The following USH2A variants were observed in gnomAD, a reference collection of about 807,000 sequenced individuals.
USH2A encodes usherin.
In USH2A, 443 loss-of-function variants were observed where a neutral mutation model predicts 538.9. That is an observed-to-expected ratio of 0.82 (90% CI 0.76 to 0.89). The LOEUF is 0.89. Ranked by LOEUF, USH2A falls within the 40% of genes least tolerant of loss-of-function variation. The pLI, the probability that USH2A is intolerant of heterozygous loss-of-function variation, is 0.00. For synonymous variants in USH2A, 2,413 were observed against 2,273.5 expected, an observed-to-expected ratio of 1.06 and a Z score of -1.75; for missense variants, 6,633 against 6,324.8, an observed-to-expected ratio of 1.05 and a Z score of -1.65.
intron 40 of USH2A, among the ~76,000 whole-genome samples, chr1:215,893,093 C>A (rs1188781741): frequency 6.6e-6 from 1 of 152,136 alleles, no homozygotes; most frequent in East Asian, 1.9e-4. Context: ...TAAAGGTCAT[C>A]ACATTCACTC....
chr1:215,838,072 T>C lies in USH2A; in HGVS notation c.9290A>G (p.Lys3097Arg). Residue 3097 changes from lysine (K) to arginine (R), a missense_variant, in exon 47 of 72, where the codon AAA (lysine) becomes AGA (arginine). Transcript: ENST00000307340. ...VEVCTIYACV[K>R]SNGTQITTVE... Reference sequence around the variant, plus strand: ...AGTGGTAATTTGGGTTCCATTGCTTTTCACGCAGGCATATATTGTGCAGAC... The same window carrying C: ...AGTGGTAATTTGGGTTCCATTGCTTCTCACGCAGGCATATATTGTGCAGAC... 6.2e-7 allele frequency: 1 copy of C among 1,614,020 alleles called. No individual in the cohort carries two copies. The highest frequency in any genetic ancestry group is 1.1e-5 in the South Asian group (1 of 91,082).
At chr1:215,833,393 C>T (rs1269428799) in intron 47 of USH2A, among the ~76,000 whole-genome samples, 2 of 151,818 alleles carry the variant, frequency 1.3e-5, no homozygotes, top group Non-Finnish European at 2.9e-5. Context: ...AAATGGCCTA[C>T]AAAACGTGTT....
intron 20 of USH2A, among the ~76,000 whole-genome samples, chr1:216,187,386 A>G (rs2034629788): frequency 6.6e-6 from 1 of 151,954 alleles, no homozygotes; most frequent in Non-Finnish European, 1.5e-5. Context: ...AATAAAATGT[A>G]GTAATAATAC....
intron 52 of USH2A, among the ~76,000 whole-genome samples, chr1:215,786,051 GA>G (rs1661791761): frequency 6.6e-6 from 1 of 151,984 alleles, no homozygotes; most frequent in Non-Finnish European, 1.5e-5. Flanking sequence ...ATTGATGGCA[GA>G]ACTGTTTTAG....
chr1:216,247,281 T>G (rs2036071579), intron 12 of USH2A, 55 bp from the exon 13 acceptor site: 3 of 1,600,756 alleles, frequency 1.9e-6, no homozygotes, highest in Non-Finnish European at 1.7e-6. Context: ...TCATTCAAGA[T>G]AGACGAGACA....
At chr1:215,768,574 TA>T (rs1661194949) in intron 55 of USH2A, among the ~76,000 whole-genome samples, 1 of 152,196 alleles carries the variant, frequency 6.6e-6, no homozygotes, top group Admixed American at 6.5e-5. Context: ...TTACCTGATT[TA>T]CAGATGAAGA....
chr1:216,361,999 G>T (rs550237900), intron 4 of USH2A, among the ~76,000 whole-genome samples: 1 of 152,158 alleles, frequency 6.6e-6, no homozygotes, highest in South Asian at 2.1e-4. Flanking sequence ...GTTCATTAGG[G>T]GACTCTGAGA....
At chr1:216,272,598 C>T (rs1318756883) in intron 11 of USH2A, among the ~76,000 whole-genome samples, 20 of 152,034 alleles carry the variant, frequency 1.3e-4, no homozygotes, top group Non-Finnish European at 8.8e-5. Flanking sequence ...GCCTGCTACT[C>T]GTTGACTCAC....
chr1:216,068,885 T>A (rs1468425594), intron 30 of USH2A, among the ~76,000 whole-genome samples: 1 of 152,162 alleles, frequency 6.6e-6, no homozygotes, highest in Admixed American at 6.6e-5. Flanking sequence ...GTACATTTGG[T>A]AGTAAGAAAG....
At chr1:216,201,236 C>T (rs1371234813) in intron 16 of USH2A, among the ~76,000 whole-genome samples, 1 of 151,402 alleles carries the variant, frequency 6.6e-6, no homozygotes, top group Middle Eastern at 3.2e-3. Flanking sequence ...CTGGATCTGC[C>T]ATTGGCCACA....
intron 21 of USH2A, among the ~76,000 whole-genome samples, chr1:216,165,939 A>G (rs1246876884): frequency 6.6e-6 from 1 of 151,738 alleles, no homozygotes; most frequent in South Asian, 2.1e-4. Flanking sequence ...CCCAATGTGT[A>G]GTTTTTTTTA....
chr1:215,754,910 C>G (rs1349729993), intron 58 of USH2A, among the ~76,000 whole-genome samples: 1 of 152,142 alleles, frequency 6.6e-6, no homozygotes, highest in South Asian at 2.1e-4. Flanking sequence ...GTAGGTAAAG[C>G]TTTCTAGTTA....
At chr1:216,003,456 G>A (rs956606134) in intron 32 of USH2A, among the ~76,000 whole-genome samples, 1 of 152,118 alleles carries the variant, frequency 6.6e-6, no homozygotes, top group Non-Finnish European at 1.5e-5. Flanking sequence ...AATTTTAATA[G>A]TTAAGAGTCA....
intron 67 of USH2A, among the ~76,000 whole-genome samples, chr1:215,642,839 C>T (rs1247937326): frequency 1.3e-5 from 2 of 152,076 alleles, no homozygotes; most frequent in African/African-American, 4.8e-5. Flanking sequence ...TTCCCTCAAG[C>T]AGGCCAGCTG....
chr1:216,046,006 GGTGTGTGTGTGTGTGTGTGTGT>G (rs59426829), intron 32 of USH2A, among the ~76,000 whole-genome samples: 1 of 137,670 alleles, frequency 7.3e-6, no homozygotes, highest in Non-Finnish European at 1.6e-5. Flanking sequence ...CTATTTATCT[GGTGTGTGTGTGTGTGTGTGTGT>G]GTGTGTGTGT....
At chr1:216,103,832 G>T (rs1355316352) in intron 21 of USH2A, among the ~76,000 whole-genome samples, 1 of 152,000 alleles carries the variant, frequency 6.6e-6, no homozygotes, top group Non-Finnish European at 1.5e-5. Context: ...ATTCATCCAG[G>T]AACTGCAAAT....
chr1:215,836,266 T>A (rs1486678191), intron 47 of USH2A, among the ~76,000 whole-genome samples: 1 of 150,878 alleles, frequency 6.6e-6, no homozygotes, highest in African/African-American at 2.4e-5. Context: ...CCTTCACTGA[T>A]AATTCTGGGT....
intron 11 of USH2A, among the ~76,000 whole-genome samples, chr1:216,282,831 G>A (rs1300223752): frequency 6.6e-6 from 1 of 152,094 alleles, no homozygotes; most frequent in Non-Finnish European, 1.5e-5. Context: ...ATAATATTAA[G>A]TCTTCTGATA....
chr1:215,841,640 C>A (rs934297144), intron 46 of USH2A, among the ~76,000 whole-genome samples: 1 of 152,044 alleles, frequency 6.6e-6, no homozygotes. Context: ...CACAGGCAAA[C>A]ATTTCATGAC....
Sources: gnomAD v4.1 joint callset for allele counts (sites outside exome capture counted in the v4.1 genomes callset) on GRCh38, gnomAD v4.1.1 for gene constraint, MANE v1.5 for transcripts, NCBI Gene and HGNC (gene_info 2026-07-23, HGNC 2026-07-21) for gene names.